The following CFAP299 variants were observed in gnomAD, a reference collection of about 807,000 sequenced individuals.
CFAP299 encodes the protein cilia- and flagella-associated protein 299.
In CFAP299, 21 loss-of-function variants were observed where a neutral mutation model predicts 27.0. The ratio of observed to expected loss-of-function variants is 0.78; its 90% CI spans 0.55 to 1.12. The LOEUF (loss-of-function observed/expected upper bound fraction) is 1.12. Among genes scored for constraint, CFAP299 ranks in the 50% most tolerant of loss-of-function variants. The pLI is 0.00. For missense variants in CFAP299, 310 were observed against 276.6 expected (o/e 1.12, Z -0.86); for synonymous variants, 104 against 98.1 (o/e 1.06, Z -0.36).
chr4:80,869,927 C>A, intron 3 of CFAP299, 66 bp from the exon 4 acceptor site: 3 of 1,457,358 alleles, frequency 2.1e-6, no homozygotes, highest in Non-Finnish European at 2.8e-6. Context: ...TCATTCTATC[C>A]TATGGCATTC....
chr4:80,770,692 A>G (rs1726162062), intron 3 of CFAP299, among the ~76,000 whole-genome samples: 2 of 152,316 alleles, frequency 1.3e-5, no homozygotes, highest in South Asian at 4.1e-4. Flanking sequence ...CTTTGAAATC[A>G]AGGTGTCAGC....
At chr4:80,454,112 G>T (rs150820039) in intron 2 of CFAP299, among the ~76,000 whole-genome samples, 120 of 152,008 alleles carry the variant, frequency 7.9e-4, no homozygotes, top group African/African-American at 2.7e-3. Context: ...GACAATTTTT[G>T]CAATTTTCTG....
chr4:80,419,015 C>A (rs2110068103), intron 2 of CFAP299, among the ~76,000 whole-genome samples: 1 of 152,224 alleles, frequency 6.6e-6, no homozygotes, highest in Non-Finnish European at 1.5e-5. Flanking sequence ...ATACCTGTTA[C>A]CAGCAGCAAA....
chr4:80,855,284 T>A (rs916595978), intron 3 of CFAP299, among the ~76,000 whole-genome samples: 1 of 152,176 alleles, frequency 6.6e-6, no homozygotes, highest in Non-Finnish European at 1.5e-5. Context: ...TATTCATCAC[T>A]GTACCAATGA....
At chr4:80,658,167 T>C (rs1560681819) in intron 3 of CFAP299, among the ~76,000 whole-genome samples, 1 of 152,214 alleles carries the variant, frequency 6.6e-6, no homozygotes, top group Non-Finnish European at 1.5e-5. Context: ...TACAATCATG[T>C]CATCTTCAAA....
At chr4:80,568,764 T>C (rs1031599731) in intron 2 of CFAP299, among the ~76,000 whole-genome samples, 1 of 152,170 alleles carries the variant, frequency 6.6e-6, no homozygotes, top group Admixed American at 6.6e-5. Context: ...GAGTCTTGTA[T>C]AGACGTTTTT....
intron 2 of CFAP299, among the ~76,000 whole-genome samples, chr4:80,576,474 T>G (rs534199714): frequency 6.6e-6 from 1 of 152,088 alleles, no homozygotes; most frequent in South Asian, 2.1e-4. Flanking sequence ...TAAATAAAAT[T>G]ATATTTTCTC....
At chr4:80,934,594 T>G (rs1257939681) in intron 4 of CFAP299, among the ~76,000 whole-genome samples, 1 of 152,040 alleles carries the variant, frequency 6.6e-6, no homozygotes, top group East Asian at 1.9e-4. Flanking sequence ...TCTGTTTAGA[T>G]TTTCTCTTTT....
chr4:80,634,234 G>A (rs1056831191), intron 3 of CFAP299, among the ~76,000 whole-genome samples: 7 of 151,832 alleles, frequency 4.6e-5, no homozygotes, highest in African/African-American at 9.7e-5. Flanking sequence ...TGCCCGCCTC[G>A]GCCTCCCAAA....
chr4:80,920,231 A>T (rs539839627), intron 4 of CFAP299, among the ~76,000 whole-genome samples: 1 of 152,184 alleles, frequency 6.6e-6, no homozygotes, highest in East Asian at 1.9e-4. Flanking sequence ...CCAGCTCCTC[A>T]CTTTGAATGT....
At chr4:80,605,310 A>T (rs1737598494) in intron 3 of CFAP299, among the ~76,000 whole-genome samples, 1 of 152,156 alleles carries the variant, frequency 6.6e-6, no homozygotes, top group African/African-American at 2.4e-5. Flanking sequence ...CTATGACTTT[A>T]TTTTCCAAAG....
intron 2 of CFAP299, among the ~76,000 whole-genome samples, chr4:80,475,407 A>G (rs1175462343): frequency 6.6e-6 from 1 of 152,114 alleles, no homozygotes; most frequent in Non-Finnish European, 1.5e-5. Flanking sequence ...AGGATGAGGA[A>G]TGATTTCTTT....
At chr4:80,679,241 G>A (rs917102704) in intron 3 of CFAP299, among the ~76,000 whole-genome samples, 15 of 151,926 alleles carry the variant, frequency 9.9e-5, no homozygotes, top group African/African-American at 2.7e-4. Context: ...ATGTAGGAAC[G>A]CTTTATTCCT....
At chr4:80,348,967 G>A (rs1017223106) in intron 1 of CFAP299, among the ~76,000 whole-genome samples, 6 of 152,192 alleles carry the variant, frequency 3.9e-5, no homozygotes, top group Non-Finnish European at 7.3e-5. Context: ...CATGAGAGCT[G>A]TTAACACGGT....
chr4:80,374,282 GT>G (rs1270701888), intron 2 of CFAP299, among the ~76,000 whole-genome samples: 1 of 152,158 alleles, frequency 6.6e-6, no homozygotes, highest in South Asian at 2.1e-4. Context: ...CCTAGGTCTT[GT>G]AGTATATGTG....
chr4:80,447,004 C>T (rs1401525896), intron 2 of CFAP299, among the ~76,000 whole-genome samples: 2 of 151,736 alleles, frequency 1.3e-5, no homozygotes, highest in African/African-American at 4.8e-5. Context: ...TCACCAAGGT[C>T]TGTTGATTCT....
At chr4:80,341,238 C>T (rs1722435518) in intron 1 of CFAP299, among the ~76,000 whole-genome samples, 1 of 152,240 alleles carries the variant, frequency 6.6e-6, no homozygotes, top group Non-Finnish European at 1.5e-5. Context: ...CTCTGCAGTT[C>T]AGTTGACTCA....
intron 4 of CFAP299, among the ~76,000 whole-genome samples, chr4:80,897,640 C>A (rs1734671337): frequency 6.6e-6 from 1 of 152,142 alleles, no homozygotes; most frequent in Non-Finnish European, 1.5e-5. Flanking sequence ...CCACGAAGCT[C>A]CTACCACTGT....
At chr4:80,333,786 A>T (rs1468657114), upstream of CFAP299, among the ~76,000 whole-genome samples, 1 of 152,196 alleles carries the variant, frequency 6.6e-6, no homozygotes, top group Non-Finnish European at 1.5e-5. Context: ...AGTCTTTAAA[A>T]ATCTTGGACT....
Sources: allele counts gnomAD v4.1 joint callset (sites outside exome capture counted in the v4.1 genomes callset), GRCh38; gene constraint gnomAD v4.1.1; transcripts MANE v1.5; gene names NCBI Gene and HGNC (gene_info 2026-07-23, HGNC 2026-07-21).